Variants in CDK14 observed in about 807,000 individuals in gnomAD.
CDK14 encodes the protein cyclin-dependent kinase 14.
In CDK14, 34 loss-of-function variants were observed where a neutral mutation model predicts 60.7. The ratio of observed to expected loss-of-function variants is 0.56; its 90% CI spans 0.43 to 0.75. The LOEUF (loss-of-function observed/expected upper bound fraction) is 0.75, where lower values mean the gene tolerates loss of function less well. CDK14 is among the 30% of genes least tolerant of loss of function. The pLI is 0.00. For synonymous variants in CDK14, 197 were observed against 203.7 expected, an observed-to-expected ratio of 0.97 and a Z score of 0.28; for missense variants, 482 against 564.1, an observed-to-expected ratio of 0.85 and a Z score of 1.47.
intron 6 of CDK14, among the ~76,000 whole-genome samples, chr7:90,896,573 T>C (rs1792344237): frequency 6.6e-6 from 1 of 152,198 alleles, no homozygotes; most frequent in African/African-American, 2.4e-5. Flanking sequence ...AAATGGTTTC[T>C]AGGTAACAAT....
At chr7:90,710,747 G>A (rs1265524183) in intron 2 of CDK14, among the ~76,000 whole-genome samples, 1 of 152,082 alleles carries the variant, frequency 6.6e-6, no homozygotes, top group East Asian at 1.9e-4. Context: ...CTACTCCAAT[G>A]AGGCTTACCT....
At chr7:90,780,892 A>G (rs1371884857) in intron 4 of CDK14, among the ~76,000 whole-genome samples, 1 of 151,984 alleles carries the variant, frequency 6.6e-6, no homozygotes, top group Non-Finnish European at 1.5e-5. Flanking sequence ...TAGTAGCATG[A>G]TTTATAATCC....
At chr7:91,010,138 C>T (rs1026372674) in intron 10 of CDK14, among the ~76,000 whole-genome samples, 3 of 152,056 alleles carry the variant, frequency 2.0e-5, no homozygotes, top group Non-Finnish European at 4.4e-5. Flanking sequence ...ATCTTGATGT[C>T]AGTGCCACAC....
chr7:90,949,158 TTA>T (rs780712597), intron 8 of CDK14, among the ~76,000 whole-genome samples: 12 of 152,242 alleles, frequency 7.9e-5, no homozygotes, highest in African/African-American at 1.2e-4. Flanking sequence ...TATTTAAAAA[TTA>T]TATATATGTG....
intron 2 of CDK14, among the ~76,000 whole-genome samples, chr7:90,674,286 G>T (rs1461870101): frequency 6.6e-6 from 1 of 152,204 alleles, no homozygotes; most frequent in African/African-American, 2.4e-5. Context: ...TCATTAAGGA[G>T]AATCTGTATT....
At chr7:90,747,874 T>C (rs1803657275) in intron 4 of CDK14, 99 bp downstream of exon 4, 1 of 448,964 alleles carries the variant, frequency 2.2e-6, no homozygotes, top group Non-Finnish European at 3.5e-6. Flanking sequence ...TAATATACAA[T>C]AGATTTTCCT....
intron 14 of CDK14, among the ~76,000 whole-genome samples, chr7:91,122,384 T>C (rs1440569465): frequency 1.3e-5 from 2 of 152,162 alleles, no homozygotes; most frequent in African/African-American, 4.8e-5. Flanking sequence ...GAAATTTAAT[T>C]AAATGAGATA....
At position 90,952,303 on chromosome 7, in the gene CDK14, G is replaced by A. The variant is rs1364766749; in HGVS notation, c.827-3394G>A. ...GCCAGAGGGTAGAACCAGGCTCAGG[G>A]TAGCAGCAGATATTATCTATAAGAT... On this transcript the variant is annotated intron_variant, in intron 8 of 14. Coordinates refer to ENST00000380050, the MANE Select transcript of CDK14 (RefSeq NM_001287135.2). 3.3e-5 allele frequency among the ~76,000 whole-genome samples: 5 copies of A among 152,234 alleles called. No individual in the cohort carries two copies. In the East Asian group the frequency reaches 9.7e-4, roughly 29 times the overall value.
chr7:91,157,141 T>C (rs931438687), intron 14 of CDK14, among the ~76,000 whole-genome samples: 1 of 152,050 alleles, frequency 6.6e-6, no homozygotes, highest in Non-Finnish European at 1.5e-5. Context: ...ACGTTTCATA[T>C]TTTCTCTTTC....
chr7:90,656,070 G>A (rs1404169142), intron 2 of CDK14, among the ~76,000 whole-genome samples: 5 of 152,144 alleles, frequency 3.3e-5, no homozygotes, highest in African/African-American at 1.2e-4. Context: ...AACCTTTTGC[G>A]ACTTCCAGGC....
chr7:90,775,747 C>T (rs1328214421), intron 4 of CDK14, among the ~76,000 whole-genome samples: 2 of 128,888 alleles, frequency 1.6e-5, no homozygotes, highest in African/African-American at 6.0e-5. Context: ...TTCTCCTTCT[C>T]CTCTTCCTCC....
rs1584800256 is a variant in CDK14 at position 90,697,834 on chromosome 7, T to C, written c.124-28733T>C. Among the ~76,000 whole-genome samples the C allele has an allele frequency of 2.6e-5, 4 of 152,080 alleles. No homozygotes were observed. The South Asian group carries it at 8.3e-4, about 32-fold the overall frequency. On this transcript the variant is annotated intron_variant, in intron 2 of 14. Transcript: ENST00000380050. Reference sequence around the variant, plus strand: ...CTGTAATCCCAGCACTTTGGGAGGCTGAGGCAGGTGGATCACGAGGTCAGG... The same window carrying C: ...CTGTAATCCCAGCACTTTGGGAGGCCGAGGCAGGTGGATCACGAGGTCAGG...
At chr7:90,992,236 A>G (rs1439347028) in intron 10 of CDK14, among the ~76,000 whole-genome samples, 2 of 152,246 alleles carry the variant, frequency 1.3e-5, no homozygotes, top group Non-Finnish European at 2.9e-5. Context: ...AACTTCTATT[A>G]AAAGACAACC....
At chr7:90,984,329 A>T in intron 10 of CDK14, 88 bp downstream of exon 10, 1 of 838,638 alleles carries the variant, frequency 1.2e-6, no homozygotes, top group Non-Finnish European at 2.0e-6. Flanking sequence ...TGGAAAAATA[A>T]TTTAAAACAA....
chr7:90,806,428 C>T (rs1192373986), intron 5 of CDK14, among the ~76,000 whole-genome samples: 1 of 152,024 alleles, frequency 6.6e-6, no homozygotes, highest in East Asian at 1.9e-4. Context: ...GAAAAGACCC[C>T]CACAATTTTT....
At chr7:90,939,931 G>C (rs912411964) in intron 8 of CDK14, among the ~76,000 whole-genome samples, 1 of 152,048 alleles carries the variant, frequency 6.6e-6, no homozygotes, top group Non-Finnish European at 1.5e-5. Context: ...CAGTTTTCCT[G>C]CCATGCCATG....
rs1002397119 is a variant in CDK14 at position 90,747,681 on chromosome 7, C to G, written c.370C>G (p.Pro124Ala). ...TGTTTACCCTGTGCTTCATTTTTAG[C>G]CAACAAGTCCCAAATTTGGAAAAGC... ...KVRRHSSPSS[P>A]TSPKFGKADS... is the part of the protein sequence containing the mutation. Residue 124 changes from proline to alanine, a missense_variant and splice_region_variant, in exon 4 of 15, where the codon CCA (proline) becomes GCA (alanine). Transcript: ENST00000380050. 1.9e-6 allele frequency: 3 copies of G among 1,578,684 alleles called. No homozygotes were observed. Among genetic ancestry groups the G allele is most frequent in the Non-Finnish European group, 2.6e-6 (3 of 1,162,180 alleles).
At chr7:90,807,578 T>C (rs189009226) in intron 5 of CDK14, among the ~76,000 whole-genome samples, 133 of 152,320 alleles carry the variant, frequency 8.7e-4, no homozygotes, top group Middle Eastern at 6.8e-3. Flanking sequence ...TCCAAAGGAA[T>C]GCAGCTCCTC....
intron 6 of CDK14, among the ~76,000 whole-genome samples, chr7:90,865,778 CT>C (rs1791158269): frequency 6.6e-6 from 1 of 152,074 alleles, no homozygotes; most frequent in African/African-American, 2.4e-5. Flanking sequence ...TTCATTGTCA[CT>C]TTTGGTGCTC....
Sources: gnomAD v4.1 joint callset for allele counts (sites outside exome capture counted in the v4.1 genomes callset) on GRCh38, gnomAD v4.1.1 for gene constraint, MANE v1.5 for transcripts, NCBI Gene and HGNC (gene_info 2026-07-23, HGNC 2026-07-21) for gene names.